Variants in LIPE observed in about 807,000 individuals in gnomAD.
LIPE encodes the protein hormone-sensitive lipase.
In LIPE, 66 loss-of-function variants were observed where a neutral mutation model predicts 88.5. The observed-to-expected ratio is 0.75, with a 90% confidence interval of 0.61 to 0.91. The LOEUF is 0.91. Among genes scored for constraint, LIPE ranks in the 40% least tolerant of loss-of-function variants. LIPE has a pLI of 0.00. For synonymous variants in LIPE, 570 were observed against 617.5 expected (o/e 0.92, Z 1.14); for missense variants, 1,346 against 1,434.7 (o/e 0.94, Z 1.00).
chr19:42,417,183 A>G (rs10414969), intron 1 of LIPE, among the ~76,000 whole-genome samples: 9,794 of 152,168 alleles, frequency 0.064, 987 homozygotes, highest in African/African-American at 0.22. Flanking sequence ...GCCTCCCAAA[A>G]TGCTGGGATT....
intron 8 of LIPE, among the ~76,000 whole-genome samples, chr19:42,403,673 G>C (rs188122170): frequency 4.6e-5 from 7 of 151,754 alleles, no homozygotes; most frequent in African/African-American, 1.7e-4. Flanking sequence ...GGCTGTTCTC[G>C]AATTCCTGGC....
chr19:42,426,646 C>T lies in LIPE; in HGVS notation c.504G>A (p.Glu168=), dbSNP rs752548930. ...ACGTAGATTCAGTCGGGGCAGATGG[C>T]TCCCTTTTGGCTCCAGGTTTAGCCT... The part of the protein sequence containing the change: ...AAQAKPGAKR[E]PSAPTESTSQ... Residue 168 remains glutamate, a synonymous_variant, in exon 1 of 10, where the codon GAG becomes GAA. Coordinates refer to ENST00000244289, the MANE Select transcript of LIPE (RefSeq NM_005357.4). The T allele has an allele frequency of 6.2e-7, 1 of 1,614,202 alleles. No individual in the cohort carries two copies. Among genetic ancestry groups the T allele is most frequent in the Admixed American group, 1.7e-5 (1 of 60,006 alleles).
rs33921216 is a variant in LIPE at position 42,408,247 on chromosome 19, T to G, written c.1495A>C (p.Asn499His). 2,710 of 1,614,024 alleles carry G rather than the reference T, an allele frequency of 1.7e-3. 37 individuals are homozygous for G. In the African/African-American group the frequency reaches 0.031, roughly 18 times the overall value. The stretch of plus-strand genomic sequence containing the variant: ...TGGGACTCACTGAGGCCTGTCTCGT[T>G]GCGTTTGTAGTGCTCCCCGAAGGAC... ...LVSFGEHYKR[N>H]ETGLSVAASS... is the part of the protein sequence containing the mutation. Residue 499 changes from asparagine (N) to histidine (H), a missense_variant, in exon 3 of 10, where the codon AAC becomes CAC. Coordinates refer to ENST00000244289, the MANE Select transcript of LIPE (RefSeq NM_005357.4). This position sits in a 1 kb window ranked among gnomAD's most constrained non-coding sequence, Gnocchi z 4.3.
At chr19:42,423,996 C>T in intron 1 of LIPE, 6 of 1,176,424 alleles carry the variant, frequency 5.1e-6, no homozygotes, top group Non-Finnish European at 6.4e-6. Flanking sequence ...CGCCTCTGAG[C>T]CTCTGCCTGG....
Position 42,401,531 on chromosome 19 carries a change from T to A in LIPE, c.*281A>T, listed in dbSNP as rs2039968900. 1 of 436,870 alleles carries A rather than the reference T, an allele frequency of 2.3e-6. No individual in the cohort carries two copies. The highest frequency in any genetic ancestry group is 2.1e-5 in the African/African-American group (1 of 48,318). The allele number at this position is 436,870 out of a possible 1,614,324, so 27.1% of individuals were successfully genotyped here. A position where few individuals can be genotyped will look rare whatever the true frequency, so the allele number is the denominator to read the frequency against. On this transcript the variant is annotated 3_prime_UTR_variant, in exon 10 of 10. Transcript: ENST00000244289. ...GGCCAAACTAATTAAATACTTTTAT[T>A]TACAACAAACCAAACCGACCTGCAA...
chr19:42,423,623 G>T, intron 1 of LIPE: 2 of 1,185,602 alleles, frequency 1.7e-6, no homozygotes, highest in Non-Finnish European at 2.1e-6. Context: ...CTACTGTCGG[G>T]CCCCCCTATT....
intron 1 of LIPE, among the ~76,000 whole-genome samples, chr19:42,425,383 C>G (rs907927782): frequency 1.3e-5 from 2 of 151,864 alleles, no homozygotes; most frequent in Admixed American, 1.3e-4. Flanking sequence ...TCCCCAAATC[C>G]TCTATAGGGA....
chr19:42,405,469 AGTCTCGGAGGAGCAGGGCTGT>A lies in LIPE; in HGVS notation c.2437_2457del (p.Thr813_Asp819del). 2 of 1,614,074 alleles carry A rather than the reference AGTCTCGGAGGAGCAGGGCTGT, an allele frequency of 1.2e-6. No individual in the cohort carries two copies. The highest frequency in any genetic ancestry group is 1.7e-4 in the Middle Eastern group (1 of 6,036). ...AGCCATGAGGAGGCACCCAGGCGGA[AGTCTCGGAGGAGCAGGGCTGT>A]GTCCCGCCGCACCAGCCCCATCATG... is the stretch of plus-strand genomic sequence containing the variant. On this transcript the variant is annotated inframe_deletion, in exon 8 of 10. Transcript: ENST00000244289.
intron 1 of LIPE, among the ~76,000 whole-genome samples, chr19:42,413,768 C>T (rs192083666): frequency 3.3e-5 from 5 of 152,336 alleles, no homozygotes; most frequent in East Asian, 3.9e-4. Context: ...TCTTCTGTCC[C>T]GGACTGTCAT....
Position 42,426,918 on chromosome 19 carries a change from G to A in LIPE, c.232C>T (p.Gln78Ter). ...TCCTCTTGTGAAGCAGATTTTTGTT[G>A]GGCTCTAGGTTCCTTCTGGGATTCA... ...DAESQKEPRAQQKSASQEEFL... is the reference protein window; with the variant it reads ...DAESQKEPRA The change falls in exon 1 of 10, where the codon CAA (glutamine) becomes TAA (stop). Residue 78 changes from glutamine to a stop codon, truncating the protein, a stop_gained. Coordinates refer to ENST00000244289, the MANE Select transcript of LIPE (RefSeq NM_005357.4). LOFTEE classifies it high-confidence loss of function. 1.9e-6 allele frequency: 3 copies of A among 1,614,080 alleles called. No homozygotes were observed. Among genetic ancestry groups the A allele is most frequent in the South Asian group, 1.1e-5 (1 of 91,076 alleles).
In LIPE at chr19:42,406,840, G is replaced by A. The variant is rs1054605173; in HGVS notation, c.2137+334C>T. ...GTGTCCTCCCAAGATGTTGATCTTC[G>A]AAGAGGGAGGTCAGAGAAGCTGGAC... On this transcript the variant is annotated intron_variant, in intron 6 of 9. Coordinates refer to ENST00000244289, the MANE Select transcript of LIPE (RefSeq NM_005357.4). This position sits in a 1 kb window ranked among gnomAD's most constrained non-coding sequence, Gnocchi z 5.7. Among the ~76,000 whole-genome samples the A allele has an allele frequency of 2.0e-5, 3 of 152,194 alleles. No individual in the cohort carries two copies. The highest frequency in any genetic ancestry group is 2.9e-5 in the Non-Finnish European group (2 of 68,036).
intron 8 of LIPE, among the ~76,000 whole-genome samples, chr19:42,403,748 T>C (rs1425987658): frequency 2.0e-5 from 3 of 152,062 alleles, no homozygotes. Flanking sequence ...AAGGTGTAAA[T>C]GGATCAAAAT....
rs149284921 is a variant in LIPE at position 42,421,723 on chromosome 19, G to A, written c.883+4544C>T. On this transcript the variant is annotated intron_variant, in intron 1 of 9. Transcript: ENST00000244289. ...CTTGGTCCCTCAGAGCCCCAGTGTC[G>A]TCATCTGGGAAATGGGGTGATCCTA... Among the ~76,000 whole-genome samples the A allele has an allele frequency of 1.2e-4, 19 of 152,334 alleles. No homozygotes were observed. In the South Asian group the frequency reaches 1.4e-3, roughly 12 times the overall value.
chr19:42,402,098 G>T, intron 9 of LIPE, 23 bp from the exon 10 acceptor site: 15 of 1,454,314 alleles, frequency 1.0e-5, no homozygotes, highest in Non-Finnish European at 1.4e-5. Flanking sequence ...GGGGAGGGAC[G>T]TGGAGAGAGG....
rs561814276 is a variant in LIPE at position 42,402,275 on chromosome 19, ATGACTT to A, written c.2968-206_2968-201del. Among the ~76,000 whole-genome samples the A allele has an allele frequency of 3.6e-3, 549 of 151,846 alleles. 4 individuals are homozygous for A. Among genetic ancestry groups the A allele is most frequent in the African/African-American group, 0.012 (517 of 41,374 alleles). The stretch of plus-strand genomic sequence containing the variant: ...GGGGAGTTGTGGGAAGGATGGGAGA[ATGACTT>A]TAACTGCGATCCCCGGCCTCTCTCC... On this transcript the variant is annotated intron_variant, in intron 9 of 9. Coordinates refer to ENST00000244289, the MANE Select transcript of LIPE (RefSeq NM_005357.4).
chr19:42,415,235 TAAATG>T (rs1460915600), intron 1 of LIPE, among the ~76,000 whole-genome samples: 1 of 151,984 alleles, frequency 6.6e-6, no homozygotes, highest in African/African-American at 2.4e-5. Flanking sequence ...CTGTCTCAAA[TAAATG>T]AAATGAGATG....
chr19:42,426,496 T>C lies in LIPE; in HGVS notation c.654A>G (p.Ser218=). The C allele has an allele frequency of 3.1e-6, 5 of 1,614,244 alleles. No homozygotes were observed. The highest frequency in any genetic ancestry group is 4.2e-6 in the Non-Finnish European group (5 of 1,180,040). The change falls in exon 1 of 10, where the codon TCA becomes TCG. Residue 218 remains serine (S), a synonymous_variant. Coordinates refer to ENST00000244289, the MANE Select transcript of LIPE (RefSeq NM_005357.4). ...CAGAAAGTGCCTTCCACTCTAGGGC[T>C]GATCGCTGTATGGATAGTTCCTGAA... ...TKLQELSIQR[S]ALEWKALSEW...
chr19:42,416,344 CA>C (rs142029695), intron 1 of LIPE, among the ~76,000 whole-genome samples: 5 of 148,334 alleles, frequency 3.4e-5, no homozygotes, highest in Non-Finnish European at 4.5e-5. Context: ...AACTTTGTCT[CA>C]AAAAAAAAAG....
Position 42,401,926 on chromosome 19 carries a change from G to A in LIPE, c.3117C>T (p.Ala1039=). ...GGATGCGCTCCACGCACAGCTCTGC[G>A]GCCTGGCGCGTCTCGCGGCACAGCG... The part of the protein sequence containing the change: ...LAALCRETRQ[A]AELCVERIRL... Residue 1039 remains alanine (A), a synonymous_variant, in exon 10 of 10, where the codon GCC becomes GCT. Coordinates refer to ENST00000244289, the MANE Select transcript of LIPE (RefSeq NM_005357.4). The A allele has an allele frequency of 6.4e-7, 1 of 1,555,122 alleles. No homozygotes were observed. The highest frequency in any genetic ancestry group is 1.2e-5 in the South Asian group (1 of 84,686).
Sources: allele counts gnomAD v4.1 joint callset (sites outside exome capture counted in the v4.1 genomes callset), GRCh38; gene constraint gnomAD v4.1.1; non-coding constraint Gnocchi (gnomAD v3.1); transcripts MANE v1.5; gene names NCBI Gene and HGNC (gene_info 2026-07-23, HGNC 2026-07-21).